Variants in MAP3K6 observed in about 807,000 individuals in gnomAD.
MAP3K6 encodes the protein mitogen-activated protein kinase kinase kinase 6.
A neutral mutation model predicts 147.1 loss-of-function variants in MAP3K6; 105 were observed. The ratio of observed to expected loss-of-function variants is 0.71; its 90% CI spans 0.61 to 0.84. The LOEUF (loss-of-function observed/expected upper bound fraction) is 0.84, where lower values mean the gene tolerates loss of function less well. Among genes scored for constraint, MAP3K6 ranks in the 40% least tolerant of loss-of-function variants. MAP3K6 has a pLI of 0.00. For missense variants in MAP3K6, 1,569 were observed against 1,715.0 expected, an observed-to-expected ratio of 0.91 and a Z score of 1.50; for synonymous variants, 695 against 732.4, an observed-to-expected ratio of 0.95 and a Z score of 0.82.
intron 5 of MAP3K6, 22 bp from the exon 6 acceptor site, chr1:27,363,570 A>G (rs1224515318): frequency 6.3e-7 from 1 of 1,577,196 alleles, no homozygotes; most frequent in East Asian, 2.2e-5. Flanking sequence ...AACGGCAAGC[A>G]CTGGCATCAT....
chr1:27,358,970 C>A lies in MAP3K6; in HGVS notation c.2426-104G>T. The A allele has an allele frequency of 2.5e-6, 3 of 1,182,510 alleles. No homozygotes were observed. Among genetic ancestry groups the A allele is most frequent in the African/African-American group, 3.1e-5 (2 of 65,394 alleles). The allele number at this position is 1,182,510 out of a possible 1,614,324, so 73.3% of individuals were successfully genotyped here. A position where few individuals can be genotyped will look rare whatever the true frequency, so the allele number is the denominator to read the frequency against. The stretch of plus-strand genomic sequence containing the variant: ...TCAGGCCGACTGCACCCATACTGAA[C>A]CTATCATCCAAAATATACCTCAACA... On this transcript the variant is annotated intron_variant, in intron 18 of 28. Transcript: ENST00000357582. This position sits in a 1 kb window ranked among gnomAD's most constrained non-coding sequence, Gnocchi z 6.2.
Position 27,358,614 on chromosome 1 carries a change from G to T in MAP3K6, c.2584-3C>A. The T allele has an allele frequency of 1.2e-6, 2 of 1,613,638 alleles. No individual in the cohort carries two copies. The highest frequency in any genetic ancestry group is 1.7e-6 in the Non-Finnish European group (2 of 1,179,820). On this transcript the variant is annotated splice_polypyrimidine_tract_variant and splice_region_variant and intron_variant, in intron 19 of 28. Transcript: ENST00000357582. This position sits in a 1 kb window ranked among gnomAD's most constrained non-coding sequence, Gnocchi z 6.2. ...GGATGGACCTTGTACATACCCACCT[G>T]TGGGGGGAGGGTGAACAAGGGTGAC...
chr1:27,364,953 G>C lies in MAP3K6; in HGVS notation c.341-41C>G. The C allele has an allele frequency of 6.5e-7, 1 of 1,539,016 alleles. No homozygotes were observed. The highest frequency in any genetic ancestry group is 8.8e-7 in the Non-Finnish European group (1 of 1,139,542). ...GGGTGGCGCTGATCCCTGAAGCCCAGCTTGATGGGGAAGGAGCCGGGGTCC... is the reference window on the plus strand; with the variant it reads ...GGGTGGCGCTGATCCCTGAAGCCCACCTTGATGGGGAAGGAGCCGGGGTCC... On this transcript the variant is annotated intron_variant, in intron 1 of 28. Coordinates refer to ENST00000357582, the MANE Select transcript of MAP3K6 (RefSeq NM_004672.5). This position sits in a 1 kb window ranked among gnomAD's most constrained non-coding sequence, Gnocchi z 4.4.
Position 27,361,172 on chromosome 1 carries a change from A to G in MAP3K6, c.1817T>C (p.Val606Ala), listed in dbSNP as rs769366132. Residue 606 changes from valine to alanine, a missense_variant, in exon 13 of 29, where the codon GTA (valine) becomes GCA (alanine). Val to Ala is a moderately conservative substitution (Grantham distance 64). Transcript: ENST00000357582. Reference protein sequence around the residue: ...AQDVQLCFPSVGHCQWFCGLI... With the variant: ...AQDVQLCFPSAGHCQWFCGLI... Reference sequence around the variant, plus strand: ...GGCTGCGCACCACTGGCAGTGCCCTACGCTGGGGAAGCACAGCTGGACGTC... The same window carrying G: ...GGCTGCGCACCACTGGCAGTGCCCTGCGCTGGGGAAGCACAGCTGGACGTC... The G allele has an allele frequency of 3.2e-5, 52 of 1,611,324 alleles. No homozygotes were observed. Among genetic ancestry groups the G allele is most frequent in the Non-Finnish European group, 4.3e-5 (51 of 1,179,286 alleles).
Position 27,357,472 on chromosome 1 carries a change from C to T in MAP3K6, c.3186G>A (p.Leu1062=). Residue 1062 remains leucine (L), a synonymous_variant, in exon 23 of 29, where the codon CTG becomes CTA. Coordinates refer to ENST00000357582, the MANE Select transcript of MAP3K6 (RefSeq NM_004672.5). The part of the protein sequence containing the change: ...RRQLAQELRA[L]QGRLRAQGLG... Reference sequence around the variant, plus strand: ...GGCCCTGGGCCCTCAGCCGTCCTTGCAGCGCCCGCAGCTCCTGGGCGAGCT... The same window carrying T: ...GGCCCTGGGCCCTCAGCCGTCCTTGTAGCGCCCGCAGCTCCTGGGCGAGCT... 4 of 1,613,568 alleles carry T rather than the reference C, an allele frequency of 2.5e-6. No individual in the cohort carries two copies. Among genetic ancestry groups the T allele is most frequent in the Middle Eastern group, 1.7e-4 (1 of 6,060 alleles).
At chr1:27,357,331 C>T in intron 23 of MAP3K6, 69 bp downstream of exon 23, 6 of 1,529,902 alleles carry the variant, frequency 3.9e-6, no homozygotes, top group Non-Finnish European at 5.3e-6. Context: ...CAAGTCCTGG[C>T]ACCTCACCAG....
In MAP3K6 at chr1:27,366,292, G is replaced by A; in HGVS notation, c.306C>T (p.Gly102=). 1.5e-6 allele frequency: 2 copies of A among 1,334,114 alleles called. No homozygotes were observed. Among genetic ancestry groups the A allele is most frequent in the South Asian group, 1.9e-5 (1 of 53,050 alleles). The allele number at this position is 1,334,114 out of a possible 1,614,324, so 82.6% of individuals were successfully genotyped here. ...AGAAGGCATCCAGAGCCGCGGTGTC[G>A]CCTAGCTCCAGCGTCCCGAAGGGCA... is the stretch of plus-strand genomic sequence containing the variant. ...RSLPFGTLEL[G]DTAALDAFYN... The change falls in exon 1 of 29, where the codon GGC becomes GGT. Residue 102 remains glycine, a synonymous_variant. Transcript: ENST00000357582. This position sits in a 1 kb window ranked among gnomAD's most constrained non-coding sequence, Gnocchi z 5.5.
At position 27,357,133 on chromosome 1, in the gene MAP3K6, G is replaced by A; in HGVS notation, c.3259-19C>T. 1 of 1,596,484 alleles carries A rather than the reference G, an allele frequency of 6.3e-7. No homozygotes were observed. The highest frequency in any genetic ancestry group is 8.6e-7 in the Non-Finnish European group (1 of 1,164,282). On this transcript the variant is annotated intron_variant, in intron 23 of 28. Transcript: ENST00000357582. ...GCTTCACCTGCAGGGGGAGGGAGGC[G>A]CCGCTGAGACAGCTGAGCCTCAACT...
At position 27,356,507 on chromosome 1, in the gene MAP3K6, G is replaced by A. The variant is rs2015527970; in HGVS notation, c.3525-7C>T. 1.2e-6 allele frequency: 2 copies of A among 1,613,262 alleles called. No individual in the cohort carries two copies. Among genetic ancestry groups the A allele is most frequent in the East Asian group, 2.2e-5 (1 of 44,902 alleles). Reference sequence around the variant, plus strand: ...CGCCAGGATTTCGCGCAGCCTGTGGGGCGCAGAAGAGTAGAATGGAGCGGT... The same window carrying A: ...CGCCAGGATTTCGCGCAGCCTGTGGAGCGCAGAAGAGTAGAATGGAGCGGT... On this transcript the variant is annotated splice_polypyrimidine_tract_variant and splice_region_variant and intron_variant, in intron 25 of 28. Transcript: ENST00000357582.
In MAP3K6 at chr1:27,364,451, G is replaced by T. The variant is rs897196416; in HGVS notation, c.505-57C>A. On this transcript the variant is annotated intron_variant, in intron 3 of 28. Coordinates refer to ENST00000357582, the MANE Select transcript of MAP3K6 (RefSeq NM_004672.5). This position sits in a 1 kb window ranked among gnomAD's most constrained non-coding sequence, Gnocchi z 4.4. The stretch of plus-strand genomic sequence containing the variant: ...CAGAGGTCAGCACAGGGCTAGACAA[G>T]GGGAGTGAGAGCATCAAAGGTCAGC... 6 of 1,595,058 alleles carry T rather than the reference G, an allele frequency of 3.8e-6. No homozygotes were observed. Among genetic ancestry groups the T allele is most frequent in the Non-Finnish European group, 5.2e-6 (6 of 1,164,666 alleles).
In MAP3K6 at chr1:27,359,287, C is replaced by T. The variant is rs2015655191; in HGVS notation, c.2425+130G>A. ...CACCACCTCAGCCCTGGCCCAATCA[C>T]TCACCCTGGGTTTCATTCCCCATTA... On this transcript the variant is annotated intron_variant, in intron 18 of 28. Coordinates refer to ENST00000357582, the MANE Select transcript of MAP3K6 (RefSeq NM_004672.5). The surrounding 1 kb of genome is among the most constrained non-coding windows in gnomAD (Gnocchi z 4.4). 2.2e-6 allele frequency: 3 copies of T among 1,349,006 alleles called. No individual in the cohort carries two copies. Among genetic ancestry groups the T allele is most frequent in the Non-Finnish European group, 3.1e-6 (3 of 978,144 alleles). The allele number at this position is 1,349,006 out of a possible 1,614,324, so 83.6% of individuals were successfully genotyped here. A position where few individuals can be genotyped will look rare whatever the true frequency, so the allele number is the denominator to read the frequency against.
rs2015671297 is a variant in MAP3K6 at position 27,359,711 on chromosome 1, C to T, written c.2319+147G>A. 7 of 1,400,012 alleles carry T rather than the reference C, an allele frequency of 5.0e-6. No individual in the cohort carries two copies. The Admixed American group carries it at 1.1e-4, about 21-fold the overall frequency. 86.7% of individuals were successfully genotyped at this position (1,400,012 alleles called of 1,614,324 possible). A position where few individuals can be genotyped will look rare whatever the true frequency, so the allele number is the denominator to read the frequency against. ...TTGGCTTCAGAGCTGAACCTTTCCC[C>T]TCCTTCTCTAAGGAGCCTCCCTGAT... is the stretch of plus-strand genomic sequence containing the variant. On this transcript the variant is annotated intron_variant, in intron 17 of 28. Coordinates refer to ENST00000357582, the MANE Select transcript of MAP3K6 (RefSeq NM_004672.5). The surrounding 1 kb of genome is among the most constrained non-coding windows in gnomAD (Gnocchi z 4.4).
At position 27,364,057 on chromosome 1, in the gene MAP3K6, C is replaced by G; in HGVS notation, c.724G>C (p.Asp242His). The change falls in exon 5 of 29, where the codon GAC becomes CAC. Residue 242 changes from aspartate (D) to histidine (H), a missense_variant. Asp to His is a moderately conservative substitution (Grantham distance 81). Transcript: ENST00000357582. This position sits in a 1 kb window ranked among gnomAD's most constrained non-coding sequence, Gnocchi z 4.4. ...AACCGCTCCCGCGCCTGCCGGATGT[C>G]CCGCCGAATGGTCTCCCGGAAATAG... ...CGYFRETIRRDIRQARERFSG... is the reference protein window; with the variant it reads ...CGYFRETIRRHIRQARERFSG... 6.2e-7 allele frequency: 1 copy of G among 1,612,946 alleles called. No individual in the cohort carries two copies. The highest frequency in any genetic ancestry group is 8.5e-7 in the Non-Finnish European group (1 of 1,179,896).
Position 27,363,881 on chromosome 1 carries a change from G to A in MAP3K6, c.864+36C>T, listed in dbSNP as rs375401316. 6.6e-6 allele frequency: 10 copies of A among 1,511,354 alleles called. No homozygotes were observed. The African/African-American group carries it at 1.4e-4, about 21-fold the overall frequency. 93.6% of individuals were successfully genotyped at this position (1,511,354 alleles called of 1,614,324 possible). On this transcript the variant is annotated intron_variant, in intron 5 of 28. Transcript: ENST00000357582. ...AACTTGGGTTTGTCTGACCTCAAAT[G>A]CCAGCTGCCCTACTGCCTCTCTGAA...
rs908378969 is a variant in MAP3K6 at position 27,360,985 on chromosome 1, C to G, written c.1856G>C (p.Trp619Ser). 3.7e-6 allele frequency: 6 copies of G among 1,603,788 alleles called. No homozygotes were observed. Among genetic ancestry groups the G allele is most frequent in the Non-Finnish European group, 5.1e-6 (6 of 1,175,004 alleles). ...CQWFCGLIQA[W>S]VTNPDSTAPA... ...CGCCGTGGAATCCGGGTTCGTCACC[C>G]AGGCCTGGATCAGGCCGCAGAACCT... The change falls in exon 14 of 29, where the codon TGG becomes TCG. Residue 619 changes from tryptophan (W) to serine (S), a missense_variant. Trp to Ser is a radical substitution (Grantham distance 177). Coordinates refer to ENST00000357582, the MANE Select transcript of MAP3K6 (RefSeq NM_004672.5). The surrounding 1 kb of genome is among the most constrained non-coding windows in gnomAD (Gnocchi z 4.5).
chr1:27,356,287 CTCAGGTGATGAGCCCAAG>C lies in MAP3K6; in HGVS notation c.3637+83_3637+100del, dbSNP rs1409873686. 71 of 1,240,904 alleles carry C rather than the reference CTCAGGTGATGAGCCCAAG, an allele frequency of 5.7e-5. No individual in the cohort carries two copies. In the African/African-American group the frequency reaches 7.8e-4, roughly 14 times the overall value. 76.9% of individuals were successfully genotyped at this position (1,240,904 alleles called of 1,614,324 possible). A position where few individuals can be genotyped will look rare whatever the true frequency, so the allele number is the denominator to read the frequency against. On this transcript the variant is annotated intron_variant, in intron 26 of 28. Coordinates refer to ENST00000357582, the MANE Select transcript of MAP3K6 (RefSeq NM_004672.5). ...AATAATGTTCTCCCGCCAAGGCCCG[CTCAGGTGATGAGCCCAAG>C]TCAGGTGATGAGCCCAAGGGTGCCT...
rs779447393 is a variant in MAP3K6 at position 27,358,901 on chromosome 1, G to C, written c.2426-35C>G. On this transcript the variant is annotated intron_variant, in intron 18 of 28. Transcript: ENST00000357582. The surrounding 1 kb of genome is among the most constrained non-coding windows in gnomAD (Gnocchi z 6.2). The stretch of plus-strand genomic sequence containing the variant: ...AAACAGGAGCACCAATGCCCATCTA[G>C]GCTTCATCATGGGGTTGGAGCAGGG... The C allele has an allele frequency of 6.5e-7, 1 of 1,537,092 alleles. No individual in the cohort carries two copies. Among genetic ancestry groups the C allele is most frequent in the Non-Finnish European group, 8.8e-7 (1 of 1,142,288 alleles).
At chr1:27,361,498 G>A in intron 11 of MAP3K6, 22 bp downstream of exon 11, 1 of 1,613,374 alleles carries the variant, frequency 6.2e-7, no homozygotes, top group Non-Finnish European at 8.5e-7. Flanking sequence ...AGGTGAGTGA[G>A]GGGCCTCAGC....
In MAP3K6 at chr1:27,358,007, C is replaced by G; in HGVS notation, c.2916-131G>C. 1 of 1,473,096 alleles carries G rather than the reference C, an allele frequency of 6.8e-7. No individual in the cohort carries two copies. The highest frequency in any genetic ancestry group is 9.0e-7 in the Non-Finnish European group (1 of 1,113,068). 91.3% of individuals were successfully genotyped at this position (1,473,096 alleles called of 1,614,324 possible). A position where few individuals can be genotyped will look rare whatever the true frequency, so the allele number is the denominator to read the frequency against. On this transcript the variant is annotated intron_variant, in intron 21 of 28. Coordinates refer to ENST00000357582, the MANE Select transcript of MAP3K6 (RefSeq NM_004672.5). The surrounding 1 kb of genome is among the most constrained non-coding windows in gnomAD (Gnocchi z 6.2). The stretch of plus-strand genomic sequence containing the variant: ...GGCATGAACATAGATAAACCCCGCA[C>G]TGAGAGGACACAACAAGTCCAAGTT...
Sources: gnomAD v4.1 joint callset for allele counts on GRCh38, gnomAD v4.1.1 for gene constraint, Gnocchi (gnomAD v3.1) non-coding constraint, MANE v1.5 for transcripts, NCBI Gene and HGNC (gene_info 2026-07-23, HGNC 2026-07-21) for gene names.